ADPRHL1: variants seen among roughly 807,000 people sequenced by gnomAD.
ADPRHL1 encodes ADP-ribosylhydrolase like 1.
ADPRHL1 carries 43 observed loss-of-function variants against 44.1 expected under a neutral mutation model. The observed-to-expected ratio is 0.98, with a 90% CI of 0.76 to 1.26. The LOEUF is 1.26. Among genes scored for constraint, ADPRHL1 ranks in the 50% most tolerant of loss-of-function variants. The pLI is 0.00. For synonymous variants in ADPRHL1, 878 were observed against 1,017.4 expected (o/e 0.86, Z 2.61); for missense variants, 2,022 against 2,496.9 (o/e 0.81, Z 4.05).
At position 113,405,895 on chromosome 13, in the gene ADPRHL1, C is replaced by T. The variant is rs149751766; in HGVS notation, c.3387G>A (p.Ala1129=). ...SVASRATPAP[A]PGSTQSPGDR... is the part of the protein sequence containing the mutation. ...CTCCAGGGCTCTGGGTGCTGCCTGG[C>T]GCTGGTGCAGGCGTGGCGCGGCTCG... Residue 1129 remains alanine (A), a synonymous_variant, in exon 8 of 8, where the codon GCG becomes GCA. Transcript: ENST00000612156. 18,389 of 1,232,028 alleles carry T rather than the reference C, an allele frequency of 0.015. 175 individuals are homozygous for T. The highest frequency in any genetic ancestry group is 0.017 in the Non-Finnish European group (16,449 of 988,044). The allele number at this position is 1,232,028 out of a possible 1,614,324, so 76.3% of individuals were successfully genotyped here.
chr13:113,418,251 A>G (rs2043896721), intron 7 of ADPRHL1, among the ~76,000 whole-genome samples: 1 of 152,212 alleles, frequency 6.6e-6, no homozygotes, highest in African/African-American at 2.4e-5. Flanking sequence ...TGGAGCATGG[A>G]ATAGACAGGG....
intron 7 of ADPRHL1, among the ~76,000 whole-genome samples, chr13:113,415,089 G>A (rs1228578686): frequency 6.6e-6 from 1 of 152,184 alleles, no homozygotes; most frequent in African/African-American, 2.4e-5. Context: ...CCTGGGGCAG[G>A]TGAGGAGAGG....
chr13:113,424,836 C>CCACCCATTCATCCATTCACCCACCCATT (rs2043955719), intron 5 of ADPRHL1, among the ~76,000 whole-genome samples: 1 of 15,212 alleles, frequency 6.6e-5, no homozygotes, highest in Non-Finnish European at 1.3e-4. Flanking sequence ...ACCTGTCCAC[C>CCACCCATTCATCCATTCACCCACCCATT]CATCCATCCA....
In ADPRHL1 at chr13:113,403,797, C is replaced by T; in HGVS notation, c.5485G>A (p.Val1829Met). 8.1e-7 allele frequency: 1 copy of T among 1,233,920 alleles called. No homozygotes were observed. Among genetic ancestry groups the T allele is most frequent in the Non-Finnish European group, 1.0e-6 (1 of 989,642 alleles). 76.4% of individuals were successfully genotyped at this position (1,233,920 alleles called of 1,614,324 possible). The change falls in exon 8 of 8, where the codon GTG (valine) becomes ATG (methionine). Residue 1829 changes from valine (V) to methionine (M), a missense_variant. Transcript: ENST00000612156. ...EQPISGIAEGVDAAGRSGGSR... is the reference protein window; with the variant it reads ...EQPISGIAEGMDAAGRSGGSR... ...CCCCCACTCCTGCCAGCAGCATCCA[C>T]TCCCTCAGCTATGCCACTAATGGGC...
Position 113,429,060 on chromosome 13 carries a change from C to T in ADPRHL1, c.538G>A (p.Val180Met). The change falls in exon 4 of 8, where the codon GTG (valine) becomes ATG (methionine). Residue 180 changes from valine to methionine, a missense_variant. Around this residue, in one of 8 missense-constraint regions of ADPRHL1, gnomAD observed 437 missense variants for 430.7 expected, o/e 1.01. Coordinates refer to ENST00000612156, the MANE Select transcript of ADPRHL1 (RefSeq NM_001394807.1). ...FLGSLCTALF[V>M]SFAAQGKPLV... ...GGCTTTCCTTGTGCGGCGAACGACA[C>T]AAACAGGGCCGTGCACAGGGAGCCC... The T allele has an allele frequency of 6.2e-7, 1 of 1,612,424 alleles. No individual in the cohort carries two copies. Among genetic ancestry groups the T allele is most frequent in the Non-Finnish European group, 8.5e-7 (1 of 1,179,826 alleles).
At chr13:113,438,088 C>G (rs2044073892) in intron 2 of ADPRHL1, among the ~76,000 whole-genome samples, 1 of 151,996 alleles carries the variant, frequency 6.6e-6, no homozygotes, top group Non-Finnish European at 1.5e-5. Context: ...GCCTTGGCCT[C>G]CCAAAGTGCT....
chr13:113,407,268 T>C lies in ADPRHL1; in HGVS notation c.2014A>G (p.Lys672Glu), dbSNP rs957031516. The change falls in exon 8 of 8, where the codon AAG becomes GAG. Residue 672 changes from lysine (K) to glutamate (E), a missense_variant. Lys to Glu is a moderately conservative substitution (Grantham distance 56). Coordinates refer to ENST00000612156, the MANE Select transcript of ADPRHL1 (RefSeq NM_001394807.1). Reference protein sequence around the residue: ...TGPSGNKAVGKGPLEEEPQRQ... With the variant: ...TGPSGNKAVGEGPLEEEPQRQ... ...TGGGGCTCCTCCTCCAGGGGCCCCT[T>C]TCCCACTGCTTTGTTCCCACTGGGC... 1.1e-5 allele frequency: 14 copies of C among 1,231,972 alleles called. No homozygotes were observed. In the African/African-American group the frequency reaches 2.0e-4, roughly 18 times the overall value. The allele number at this position is 1,231,972 out of a possible 1,614,324, so 76.3% of individuals were successfully genotyped here.
intron 7 of ADPRHL1, among the ~76,000 whole-genome samples, chr13:113,408,698 C>A (rs2043826911): frequency 6.6e-6 from 1 of 152,210 alleles, no homozygotes; most frequent in African/African-American, 2.4e-5. Context: ...CTGCCATGAT[C>A]CCAGGGACCT....
intron 3 of ADPRHL1, among the ~76,000 whole-genome samples, chr13:113,433,499 C>A (rs915574624): frequency 1.3e-5 from 2 of 152,196 alleles, no homozygotes; most frequent in South Asian, 4.1e-4. Flanking sequence ...TAAGCCAACT[C>A]CCCCAACAAA....
chr13:113,419,835 T>A (rs2043906623), intron 7 of ADPRHL1, among the ~76,000 whole-genome samples: 1 of 152,166 alleles, frequency 6.6e-6, no homozygotes, highest in Non-Finnish European at 1.5e-5. Flanking sequence ...TGCTTCCTGT[T>A]TGGGGAAAGA....
intron 7 of ADPRHL1, 187 bp downstream of exon 7, chr13:113,422,639 A>T (rs1295242548): frequency 7.9e-6 from 6 of 756,942 alleles, no homozygotes; most frequent in Non-Finnish European, 1.2e-5. Flanking sequence ...TTCTCGCAGG[A>T]CAAACAATGT....
intron 5 of ADPRHL1, 56 bp downstream of exon 5, chr13:113,424,996 C>A: frequency 6.2e-7 from 1 of 1,604,990 alleles, no homozygotes; most frequent in Non-Finnish European, 8.5e-7. Context: ...TTGCTATGCA[C>A]TTATTGAGCA....
At chr13:113,412,186 CT>C (rs1053032051) in intron 7 of ADPRHL1, among the ~76,000 whole-genome samples, 2 of 151,284 alleles carry the variant, frequency 1.3e-5, no homozygotes, top group African/African-American at 4.9e-5. Flanking sequence ...CTATAATTTG[CT>C]TTTTTTTTGG....
chr13:113,403,238 G>T lies in ADPRHL1; in HGVS notation c.*140C>A. On this transcript the variant is annotated 3_prime_UTR_variant, in exon 8 of 8. Transcript: ENST00000612156. ...CTCAATCCTCCCAAGGTCAGCTTGT[G>T]AAGAAGGGAAAGAAAATTATGGAAA... The T allele has an allele frequency of 1.3e-6, 1 of 758,420 alleles. No homozygotes were observed. Among genetic ancestry groups the T allele is most frequent in the Non-Finnish European group, 1.8e-6 (1 of 556,408 alleles). The allele number at this position is 758,420 out of a possible 1,614,324, so 47.0% of individuals were successfully genotyped here.
rs1010516869 is a variant in ADPRHL1 at position 113,433,649 on chromosome 13, C to T, written c.505+93G>A. 9.1e-5 allele frequency: 131 copies of T among 1,445,846 alleles called. 4 individuals carry two copies. In the South Asian group the frequency reaches 1.3e-3, roughly 14 times the overall value. The allele number at this position is 1,445,846 out of a possible 1,614,324, so 89.6% of individuals were successfully genotyped here. A position where few individuals can be genotyped will look rare whatever the true frequency, so the allele number is the denominator to read the frequency against. On this transcript the variant is annotated intron_variant, in intron 3 of 7. Transcript: ENST00000612156. ...GCAGATGGCGGCAGCTCCAGGCCCCCGCCCCCCACCCCACACTTAACCTGT... is the reference window on the plus strand; with the variant it reads ...GCAGATGGCGGCAGCTCCAGGCCCCTGCCCCCCACCCCACACTTAACCTGT...
chr13:113,423,166 A>C lies in ADPRHL1; in HGVS notation c.908-187T>G, dbSNP rs75938232. On this transcript the variant is annotated intron_variant, in intron 6 of 7. Coordinates refer to ENST00000612156, the MANE Select transcript of ADPRHL1 (RefSeq NM_001394807.1). ...CAGCTACACAGGCGGCTGAGATGGG[A>C]GAATCTCTTGAACCCGGGAGGCAGA... Among the ~76,000 whole-genome samples the C allele has an allele frequency of 1.3e-3, 194 of 152,152 alleles. 2 individuals are homozygous for C. The East Asian group carries it at 0.033, about 26-fold the overall frequency.
intron 3 of ADPRHL1, among the ~76,000 whole-genome samples, chr13:113,429,393 G>A (rs1479962627): frequency 1.3e-5 from 2 of 152,238 alleles, no homozygotes; most frequent in Non-Finnish European, 2.9e-5. Flanking sequence ...ACTGCTCTGG[G>A]TGCCTGCTCC....
At chr13:113,422,292 A>G (rs1181073434) in intron 7 of ADPRHL1, 1 of 148,624 alleles carries the variant, frequency 6.7e-6, no homozygotes, top group Non-Finnish European at 1.5e-5. Flanking sequence ...ATGCTGCTAT[A>G]TGTGTCCCGC....
intron 7 of ADPRHL1, among the ~76,000 whole-genome samples, chr13:113,408,848 A>AGGGGGCTGCAGAGAGGAGGGGAGGGG (rs1555325346): frequency 8.5e-6 from 1 of 117,390 alleles, no homozygotes; most frequent in African/African-American, 3.5e-5. Flanking sequence ...GCAGGGGAGG[A>AGGGGGCTGCAGAGAGGAGGGGAGGGG]GGGGGCTGCA....
Sources: allele counts gnomAD v4.1 joint callset (sites outside exome capture counted in the v4.1 genomes callset), GRCh38; gene constraint gnomAD v4.1.1; regional missense constraint gnomAD v4.1.1; transcripts MANE v1.5; gene names NCBI Gene and HGNC (gene_info 2026-07-23, HGNC 2026-07-21).